Variants in ZNF423 observed in about 807,000 individuals in gnomAD.
The protein encoded by ZNF423 is zinc finger protein 423.
In ZNF423, 12 loss-of-function variants were observed where a neutral mutation model predicts 95.8. That is an observed-to-expected ratio of 0.13 (90% CI 0.08 to 0.20). The LOEUF (loss-of-function observed/expected upper bound fraction) is 0.20. Among genes scored for constraint, ZNF423 ranks in the 10% least tolerant of loss-of-function variants. The probability of loss-of-function intolerance (pLI) is 1.00; values close to 1 mark genes in which losing one functional copy is unlikely to be tolerated. For synonymous variants in ZNF423, 749 were observed against 711.9 expected, an observed-to-expected ratio of 1.05 and a Z score of -0.83; for missense variants, 1,316 against 1,737.1, an observed-to-expected ratio of 0.76 and a Z score of 4.31.
In ZNF423 at chr16:49,525,411, T is replaced by G; in HGVS notation, c.3685A>C (p.Ser1229Arg). The change falls in exon 6 of 8, where the codon AGC (serine) becomes CGC (arginine). Residue 1229 changes from serine to arginine, a missense_variant. Physicochemically the swap from Ser to Arg is moderately radical, Grantham distance 110. Coordinates refer to ENST00000563137, the MANE Select transcript of ZNF423 (RefSeq NM_001379286.1). ...AAGGTGCCGCCCATGCCCTCGAAGCTGTGCTCAATGAGGTGACAGAGGAGC... is the reference window on the plus strand; with the variant it reads ...AAGGTGCCGCCCATGCCCTCGAAGCGGTGCTCAATGAGGTGACAGAGGAGC... The part of the protein sequence containing the change: ...AKLLCHLIEH[S>R]FEGMGGTFKC... The G allele has an allele frequency of 6.2e-7, 1 of 1,614,074 alleles. No homozygotes were observed. Among genetic ancestry groups the G allele is most frequent in the East Asian group, 2.2e-5 (1 of 44,874 alleles).
At chr16:49,735,088 A>T (rs986537601) in intron 2 of ZNF423, among the ~76,000 whole-genome samples, 1 of 152,134 alleles carries the variant, frequency 6.6e-6, no homozygotes, top group African/African-American at 2.4e-5. Flanking sequence ...AAAACCCCTC[A>T]AAGTCCCATG....
In ZNF423 at chr16:49,614,831, T is replaced by C. The variant is rs116507165; in HGVS notation, c.3601+11339A>G. Among the ~76,000 whole-genome samples the C allele has an allele frequency of 3.1e-3, 476 of 152,210 alleles. 5 individuals are homozygous for C. Among genetic ancestry groups the C allele is most frequent in the African/African-American group, 0.011 (455 of 41,502 alleles). On this transcript the variant is annotated intron_variant, in intron 5 of 7. Coordinates refer to ENST00000563137, the MANE Select transcript of ZNF423 (RefSeq NM_001379286.1). The stretch of plus-strand genomic sequence containing the variant: ...GACAAATAAAAGCCCAGGAGGGGCT[T>C]TAAAAGAAGGGGGAATGGATAGGGA...
chr16:49,777,860 G>A (rs144179121), intron 2 of ZNF423, among the ~76,000 whole-genome samples: 1 of 152,218 alleles, frequency 6.6e-6, no homozygotes, highest in Non-Finnish European at 1.5e-5. Flanking sequence ...ATGCTCACTA[G>A]ATGGTTATTA....
chr16:49,802,248 C>T (rs1001692931), intron 1 of ZNF423, among the ~76,000 whole-genome samples: 1 of 152,134 alleles, frequency 6.6e-6, no homozygotes, highest in Admixed American at 6.6e-5. Context: ...ACTGGACTCT[C>T]ACTCTCTCTC....
At position 49,635,781 on chromosome 16, in the gene ZNF423, T is replaced by TCGGGGCAACGGAGGCCGGCA; in HGVS notation, c.3375_3394dup (p.Glu1132ValfsTer59). ...GGCACTCTCAAACTTGACACTGCAC[T>TCGGGGCAACGGAGGCCGGCA]CGGGGCAACGGAGGCCGGCACAGGG... On this transcript the variant is annotated frameshift_variant, in exon 4 of 8. Transcript: ENST00000563137. LOFTEE classifies it high-confidence loss of function. The surrounding 1 kb of genome is among the most constrained non-coding windows in gnomAD (Gnocchi z 4.8). 1.2e-6 allele frequency: 2 copies of TCGGGGCAACGGAGGCCGGCA among 1,612,550 alleles called. No individual in the cohort carries two copies. Among genetic ancestry groups the TCGGGGCAACGGAGGCCGGCA allele is most frequent in the Non-Finnish European group, 1.7e-6 (2 of 1,179,786 alleles).
In ZNF423 at chr16:49,636,204, T is replaced by C. The variant is rs1350946839; in HGVS notation, c.2972A>G (p.Lys991Arg). ...GCGACAGGTGCCCGTGTCCAGGCTC[T>C]TGCTGTGGGTCACCTTGTGTTCGGT... ...TLTEHKVTHS[K>R]SLDTGTCRIC... Residue 991 changes from lysine to arginine, a missense_variant, in exon 4 of 8, where the codon AAG becomes AGG. By Grantham distance (26) the Lys-to-Arg change is conservative (BLOSUM62 2). Around this residue, in one of 6 missense-constraint regions of ZNF423, gnomAD observed 620 missense variants for 775.6 expected, o/e 0.80. Coordinates refer to ENST00000563137, the MANE Select transcript of ZNF423 (RefSeq NM_001379286.1). The surrounding 1 kb of genome is among the most constrained non-coding windows in gnomAD (Gnocchi z 8.6). 6.2e-7 allele frequency: 1 copy of C among 1,613,284 alleles called. No individual in the cohort carries two copies. The highest frequency in any genetic ancestry group is 8.5e-7 in the Non-Finnish European group (1 of 1,180,002).
chr16:49,601,860 G>GCCTCAGGCAGGGGCTTGTT (rs1462812502), intron 5 of ZNF423, among the ~76,000 whole-genome samples: 1 of 152,206 alleles, frequency 6.6e-6, no homozygotes, highest in Non-Finnish European at 1.5e-5. Flanking sequence ...CAGATGGGCA[G>GCCTCAGGCAGGGGCTTGTT]CCTCAGGCAG....
chr16:49,566,539 G>T (rs1417409197), intron 5 of ZNF423, among the ~76,000 whole-genome samples: 1 of 152,160 alleles, frequency 6.6e-6, no homozygotes, highest in South Asian at 2.1e-4. Context: ...GCTGTGTGGT[G>T]GGGGAGGCCA....
chr16:49,684,742 C>T (rs1156429599), intron 3 of ZNF423, among the ~76,000 whole-genome samples: 1 of 152,200 alleles, frequency 6.6e-6, no homozygotes, highest in African/African-American at 2.4e-5. Flanking sequence ...CTCCCCTCAG[C>T]TTGAGCCCTG....
At chr16:49,684,558 A>G (rs553267908) in intron 3 of ZNF423, among the ~76,000 whole-genome samples, 10 of 152,312 alleles carry the variant, frequency 6.6e-5, no homozygotes, top group Admixed American at 5.9e-4. Context: ...GCCTCTGTTA[A>G]AAGTCTGCTT....
chr16:49,609,676 C>T (rs1393747287), intron 5 of ZNF423, among the ~76,000 whole-genome samples: 1 of 151,822 alleles, frequency 6.6e-6, no homozygotes, highest in Non-Finnish European at 1.5e-5. Flanking sequence ...ATAAAAATCA[C>T]CCAGAGTTTC....
At chr16:49,838,255 T>C (rs2035142129) in intron 1 of ZNF423, among the ~76,000 whole-genome samples, 1 of 152,112 alleles carries the variant, frequency 6.6e-6, no homozygotes, top group Non-Finnish European at 1.5e-5. Context: ...CTGAGCACAG[T>C]TCTGGGGCTG....
In ZNF423 at chr16:49,626,266, C is replaced by T; in HGVS notation, c.3517-12G>A. The T allele has an allele frequency of 6.2e-7, 1 of 1,613,026 alleles. No individual in the cohort carries two copies. Among genetic ancestry groups the T allele is most frequent in the Non-Finnish European group, 8.5e-7 (1 of 1,179,404 alleles). ...TGGTATGTCTTTTTCTGTTTGGAAACCAAAAATAAAAGATTTAGAGAGGCA... is the reference window on the plus strand; with the variant it reads ...TGGTATGTCTTTTTCTGTTTGGAAATCAAAAATAAAAGATTTAGAGAGGCA... On this transcript the variant is annotated splice_polypyrimidine_tract_variant and intron_variant, in intron 4 of 7. Coordinates refer to ENST00000563137, the MANE Select transcript of ZNF423 (RefSeq NM_001379286.1).
At chr16:49,527,979 T>C (rs1402382396) in intron 5 of ZNF423, among the ~76,000 whole-genome samples, 1 of 152,158 alleles carries the variant, frequency 6.6e-6, no homozygotes, top group African/African-American at 2.4e-5. Flanking sequence ...TGACCCTTGA[T>C]TCATGTAACC....
At chr16:49,771,179 C>CTT (rs1240856239) in intron 2 of ZNF423, among the ~76,000 whole-genome samples, 1 of 121,248 alleles carries the variant, frequency 8.2e-6, no homozygotes. Context: ...TCTTGAATTT[C>CTT]TTTTTTTTTT....
intron 1 of ZNF423, among the ~76,000 whole-genome samples, chr16:49,797,677 A>G (rs9940645): frequency 0.54 from 82,095 of 152,136 alleles, 22,256 homozygotes; most frequent in Middle Eastern, 0.62. Context: ...GAAAAGCCAC[A>G]ATATGACAGT....
At chr16:49,771,097 AAG>A (rs1341938539) in intron 2 of ZNF423, among the ~76,000 whole-genome samples, 5 of 151,966 alleles carry the variant, frequency 3.3e-5, no homozygotes, top group African/African-American at 9.7e-5. Context: ...GTTCAGGAGT[AAG>A]ACTAAGCATA....
At chr16:49,713,165 C>A (rs993139874) in intron 3 of ZNF423, among the ~76,000 whole-genome samples, 1 of 152,142 alleles carries the variant, frequency 6.6e-6, no homozygotes, top group African/African-American at 2.4e-5. Flanking sequence ...AAAGGGACCA[C>A]CAAAAGCTAA....
chr16:49,720,096 C>A (rs1316184984), intron 3 of ZNF423, among the ~76,000 whole-genome samples: 1 of 152,206 alleles, frequency 6.6e-6, no homozygotes, highest in African/African-American at 2.4e-5. Flanking sequence ...CCTCCCAGAG[C>A]ACTGCCCCCA....
Sources: allele counts gnomAD v4.1 joint callset (sites outside exome capture counted in the v4.1 genomes callset), GRCh38; gene constraint gnomAD v4.1.1; regional missense constraint gnomAD v4.1.1; non-coding constraint Gnocchi (gnomAD v3.1); transcripts MANE v1.5; gene names NCBI Gene and HGNC (gene_info 2026-07-23, HGNC 2026-07-21).